DGKG: variants seen among roughly 807,000 people sequenced by gnomAD.
DGKG encodes diacylglycerol kinase gamma.
DGKG carries 78 observed loss-of-function variants against 105.3 expected under a neutral mutation model. The ratio of observed to expected loss-of-function variants is 0.74; its 90% CI spans 0.62 to 0.89. The LOEUF is 0.89. Among genes scored for constraint, DGKG ranks in the 40% least tolerant of loss-of-function variants. DGKG has a pLI of 0.00. For synonymous variants in DGKG, 346 were observed against 367.1 expected (o/e 0.94, Z 0.66); for missense variants, 958 against 1,020.1 (o/e 0.94, Z 0.83).
chr3:186,312,869 G>A (rs1724622294), intron 2 of DGKG, among the ~76,000 whole-genome samples: 1 of 152,210 alleles, frequency 6.6e-6, no homozygotes, highest in Non-Finnish European at 1.5e-5. Flanking sequence ...GGAAGCACAG[G>A]GGAGAAGCCC....
chr3:186,161,875 GT>G (rs1716306905), intron 23 of DGKG, among the ~76,000 whole-genome samples: 1 of 150,296 alleles, frequency 6.7e-6, no homozygotes, highest in Non-Finnish European at 1.5e-5. Flanking sequence ...CCAGTGGTCT[GT>G]GTTTCTGTGT....
At chr3:186,191,078 T>C (rs1193434494) in intron 21 of DGKG, among the ~76,000 whole-genome samples, 1 of 152,138 alleles carries the variant, frequency 6.6e-6, no homozygotes, top group Admixed American at 6.5e-5. Flanking sequence ...GTTAAGAAAC[T>C]TCTCTGTGGT....
chr3:186,211,069 C>T (rs1202736469), intron 21 of DGKG, among the ~76,000 whole-genome samples: 14 of 152,202 alleles, frequency 9.2e-5, no homozygotes, highest in Admixed American at 7.9e-4. Context: ...AGCCAGCAGG[C>T]AGACTGTCTG....
rs1178055662 is a variant in DGKG at position 186,311,721 on chromosome 3, A to G, written c.68-4744T>C. On this transcript the variant is annotated intron_variant, in intron 2 of 24. Coordinates refer to ENST00000265022, the MANE Select transcript of DGKG (RefSeq NM_001346.3). ...TCAGTGTGGGACAGGGGTGCGTTCC[A>G]TCTGAACAAGCAGACAAATCAGAGA... Among the ~76,000 whole-genome samples the G allele has an allele frequency of 2.6e-5, 4 of 152,184 alleles. No homozygotes were observed. The East Asian group carries it at 7.7e-4, about 29-fold the overall frequency.
chr3:186,361,699 G>T lies in DGKG; in HGVS notation c.-249+247C>A, dbSNP rs1264377130. ...CCGCACAGCTTTGAGGCTTGAGGGG[G>T]CCTCTCAGTCGCAGAGAGAGCCGAG... On this transcript the variant is annotated intron_variant, in intron 1 of 24. Coordinates refer to ENST00000265022, the MANE Select transcript of DGKG (RefSeq NM_001346.3). This position sits in a 1 kb window ranked among gnomAD's most constrained non-coding sequence, Gnocchi z 6.8. 6.6e-6 allele frequency among the ~76,000 whole-genome samples: 1 copy of T among 152,236 alleles called. No individual in the cohort carries two copies. Among genetic ancestry groups the T allele is most frequent in the Non-Finnish European group, 1.5e-5 (1 of 68,038 alleles).
chr3:186,233,736 GCCT>G (rs549311160), intron 20 of DGKG, among the ~76,000 whole-genome samples: 211 of 152,322 alleles, frequency 1.4e-3, no homozygotes, highest in Non-Finnish European at 2.3e-3. Flanking sequence ...GCCTGCCTCG[GCCT>G]CCCAAAGTGC....
Position 186,148,061 on chromosome 3 carries a change from C to T in DGKG, c.*2029G>A. The T allele has an allele frequency of 2.0e-6, 2 of 985,414 alleles. No individual in the cohort carries two copies. Among genetic ancestry groups the T allele is most frequent in the Non-Finnish European group, 2.4e-6 (2 of 829,946 alleles). 61.0% of individuals were successfully genotyped at this position (985,414 alleles called of 1,614,324 possible). On this transcript the variant is annotated 3_prime_UTR_variant, in exon 25 of 25. Coordinates refer to ENST00000265022, the MANE Select transcript of DGKG (RefSeq NM_001346.3). The stretch of plus-strand genomic sequence containing the variant: ...TCCCTTCTTTGTCCAAAGCTCCTGT[C>T]CAATGCAAGATTAGAGGCAGCTCAG...
chr3:186,348,845 C>T (rs139561283), intron 1 of DGKG, among the ~76,000 whole-genome samples: 1 of 152,064 alleles, frequency 6.6e-6, no homozygotes, highest in Admixed American at 6.6e-5. Context: ...CTTATTTTTT[C>T]TCTGAAAATA....
At chr3:186,310,265 C>CAAAAAAAAAAA (rs1165723037) in intron 2 of DGKG, among the ~76,000 whole-genome samples, 601 of 33,232 alleles carry the variant, frequency 0.018, 86 homozygotes, top group African/African-American at 0.019. Flanking sequence ...GACTCCGTCT[C>CAAAAAAAAAAA]AAAAAAAAAA....
intron 9 of DGKG, among the ~76,000 whole-genome samples, chr3:186,275,992 C>G (rs903922892): frequency 6.3e-5 from 9 of 142,164 alleles, no homozygotes; most frequent in Admixed American, 1.4e-4. Context: ...ATCTATCTAT[C>G]TATTATCTAT....
At chr3:186,357,092 G>C (rs926655148) in intron 1 of DGKG, among the ~76,000 whole-genome samples, 1 of 152,090 alleles carries the variant, frequency 6.6e-6, no homozygotes, top group African/African-American at 2.4e-5. Context: ...GAGCAGTTGG[G>C]GGAGCTGGAA....
chr3:186,315,254 C>G (rs1488061407), intron 2 of DGKG, among the ~76,000 whole-genome samples: 1 of 152,326 alleles, frequency 6.6e-6, no homozygotes, highest in Non-Finnish European at 1.5e-5. Flanking sequence ...ATGTATTCCA[C>G]ACTTTAAAGA....
chr3:186,281,512 T>C (rs185249847), intron 7 of DGKG, among the ~76,000 whole-genome samples: 2 of 152,332 alleles, frequency 1.3e-5, no homozygotes, highest in African/African-American at 4.8e-5. Flanking sequence ...GTAAGATTGC[T>C]TTGGGAGGAC....
At chr3:186,163,561 T>C (rs1405620188) in intron 23 of DGKG, among the ~76,000 whole-genome samples, 1 of 152,114 alleles carries the variant, frequency 6.6e-6, no homozygotes, top group Non-Finnish European at 1.5e-5. Context: ...CCTGAGGGTA[T>C]TTAATAATAA....
chr3:186,238,793 A>T (rs1377335550), intron 20 of DGKG, among the ~76,000 whole-genome samples: 1 of 152,144 alleles, frequency 6.6e-6, no homozygotes, highest in Non-Finnish European at 1.5e-5. Flanking sequence ...TTCTTGCTCC[A>T]TTAATGAAAC....
At chr3:186,211,683 A>C in intron 21 of DGKG, 112 bp downstream of exon 21, 2 of 768,280 alleles carry the variant, frequency 2.6e-6, no homozygotes, top group Non-Finnish European at 4.6e-6. Flanking sequence ...AACAACAGAG[A>C]CTACGCTCTG....
intron 1 of DGKG, among the ~76,000 whole-genome samples, chr3:186,327,515 C>G (rs1405039382): frequency 1.3e-5 from 2 of 151,974 alleles, no homozygotes; most frequent in East Asian, 3.9e-4. Flanking sequence ...CAGCCCCCTC[C>G]CAGCCCTCCC....
At chr3:186,202,235 G>A (rs938052010) in intron 21 of DGKG, among the ~76,000 whole-genome samples, 17 of 152,196 alleles carry the variant, frequency 1.1e-4, no homozygotes, top group South Asian at 4.1e-4. Context: ...GATATAACAC[G>A]TGTGTGTGCA....
intron 14 of DGKG, among the ~76,000 whole-genome samples, chr3:186,263,804 G>A (rs1408969650): frequency 6.6e-6 from 1 of 152,078 alleles, no homozygotes; most frequent in African/African-American, 2.4e-5. Context: ...AAATACTTGT[G>A]GGTTCAGTGG....
Sources: gnomAD v4.1 joint callset for allele counts (sites outside exome capture counted in the v4.1 genomes callset) on GRCh38, gnomAD v4.1.1 for gene constraint, Gnocchi (gnomAD v3.1) non-coding constraint, MANE v1.5 for transcripts, NCBI Gene and HGNC (gene_info 2026-07-23, HGNC 2026-07-21) for gene names.